The following TBC1D5 variants were observed in gnomAD, a reference collection of about 807,000 sequenced individuals.
The protein encoded by TBC1D5 is TBC1 domain family, member 5.
TBC1D5 carries 75 observed loss-of-function variants against 100.3 expected under a neutral mutation model. That is an observed-to-expected ratio of 0.75 (90% CI 0.62 to 0.91). The LOEUF is 0.91. Among genes scored for constraint, TBC1D5 ranks in the 40% least tolerant of loss-of-function variants. The pLI is 0.00. For missense variants in TBC1D5, 910 were observed against 942.4 expected (o/e 0.97, Z 0.45); for synonymous variants, 323 against 325.6 (o/e 0.99, Z 0.09).
intron 18 of TBC1D5, among the ~76,000 whole-genome samples, chr3:17,202,751 C>T (rs1354157981): frequency 2.0e-5 from 3 of 152,222 alleles, no homozygotes; most frequent in African/African-American, 7.2e-5. Flanking sequence ...AACCCATAAA[C>T]CTTGGCAGCT....
chr3:17,157,796 G>GAT (rs1163102811), exon 22 of TBC1D5: 1 of 152,240 alleles, frequency 6.6e-6, no homozygotes, highest in Non-Finnish European at 1.5e-5. Flanking sequence ...CACAGAGTTT[G>GAT]ATATTTGTTC....
At chr3:17,562,779 G>A (rs982181032) in intron 2 of TBC1D5, among the ~76,000 whole-genome samples, 1 of 152,012 alleles carries the variant, frequency 6.6e-6, no homozygotes, top group African/African-American at 2.4e-5. Context: ...TCATTATTGG[G>A]GATATATAAA....
intron 2 of TBC1D5, among the ~76,000 whole-genome samples, chr3:17,558,298 A>G (rs891086820): frequency 1.3e-5 from 2 of 152,162 alleles, no homozygotes; most frequent in African/African-American, 4.8e-5. Flanking sequence ...GAAAACACAA[A>G]TGTAACCAAC....
intron 1 of TBC1D5, among the ~76,000 whole-genome samples, chr3:17,628,387 A>G (rs1438999918): frequency 1.3e-5 from 2 of 151,810 alleles, no homozygotes; most frequent in East Asian, 3.9e-4. Flanking sequence ...AAAAAAAAAA[A>G]TACACACACC....
rs533641525 is a variant in TBC1D5 at position 17,237,309 on chromosome 3, G to A, written c.1588+854C>T. ...TTGCTTCTAGAGTACAGTTAGCAGA[G>A]TCCTAGTACTAAAAATAAATGTAGC... On this transcript the variant is annotated intron_variant, in intron 17 of 21. Coordinates refer to ENST00000253692, the Ensembl canonical transcript of TBC1D5. Among the ~76,000 whole-genome samples, 7 of 152,276 alleles carry A rather than the reference G, an allele frequency of 4.6e-5. No individual in the cohort carries two copies. In the East Asian group the frequency reaches 1.4e-3, roughly 29 times the overall value.
chr3:17,555,327 G>C (rs1025067884), intron 2 of TBC1D5, among the ~76,000 whole-genome samples: 9 of 152,184 alleles, frequency 5.9e-5, no homozygotes, highest in African/African-American at 1.7e-4. Context: ...CTGGGTTATA[G>C]CTTGATTTTA....
rs184556426 is a variant in TBC1D5 at position 17,575,787 on chromosome 3, G to C, written c.-36+48062C>G. On this transcript the variant is annotated intron_variant, in intron 2 of 21. Coordinates refer to ENST00000253692, the Ensembl canonical transcript of TBC1D5. ...TATGAATGTAAATAAGACAGAGAAT[G>C]AACTAAAAGAAAATAATGCAAATTC... 2.5e-3 allele frequency among the ~76,000 whole-genome samples: 381 copies of C among 152,116 alleles called. 2 individuals carry two copies. Among genetic ancestry groups the C allele is most frequent in the Non-Finnish European group, 4.2e-3 (286 of 67,972 alleles).
intron 2 of TBC1D5, among the ~76,000 whole-genome samples, chr3:17,528,330 CTAGCTAT>C (rs2096168075): frequency 3.3e-5 from 5 of 152,288 alleles, no homozygotes; most frequent in Admixed American, 2.6e-4. Context: ...CTGGAGGGAA[CTAGCTAT>C]GTCCTTTTTC....
chr3:17,220,532 G>A (rs2074157425), intron 17 of TBC1D5, among the ~76,000 whole-genome samples: 1 of 152,072 alleles, frequency 6.6e-6, no homozygotes, highest in African/African-American at 2.4e-5. Flanking sequence ...TCCTTTCTGT[G>A]TATGTCTACT....
chr3:17,690,547 C>T (rs1423743247), intron 1 of TBC1D5, among the ~76,000 whole-genome samples: 2 of 152,158 alleles, frequency 1.3e-5, no homozygotes, highest in Admixed American at 6.5e-5. Flanking sequence ...ACAGGGTTCT[C>T]CAACCCCTGG....
At chr3:17,282,793 C>A (rs993882043) in intron 15 of TBC1D5, among the ~76,000 whole-genome samples, 3 of 152,214 alleles carry the variant, frequency 2.0e-5, no homozygotes, top group Non-Finnish European at 4.4e-5. Context: ...TTCACACTGA[C>A]TTTTCACTAA....
chr3:17,169,628 TAG>T, intron 19 of TBC1D5, among the ~76,000 whole-genome samples: 2 of 152,300 alleles, frequency 1.3e-5, no homozygotes, highest in East Asian at 3.9e-4. Flanking sequence ...CAGATATAAT[TAG>T]AGAGCAAATG....
At chr3:17,540,967 A>G (rs2096349179) in intron 2 of TBC1D5, among the ~76,000 whole-genome samples, 1 of 150,870 alleles carries the variant, frequency 6.6e-6, no homozygotes, top group Non-Finnish European at 1.5e-5. Flanking sequence ...TCAGTTGACC[A>G]TATACATGAG....
At position 17,570,110 on chromosome 3, in the gene TBC1D5, T is replaced by C. The variant is rs183085424; in HGVS notation, c.-36+53739A>G. On this transcript the variant is annotated intron_variant, in intron 2 of 21. Transcript: ENST00000253692. ...GTGACTCTCAGAGACTTAGCCAGTA[T>C]GAAACATACAGACTCTGTAAGTGGA... 3.6e-3 allele frequency among the ~76,000 whole-genome samples: 541 copies of C among 152,110 alleles called. 3 individuals carry two copies. The highest frequency in any genetic ancestry group is 5.4e-3 in the Non-Finnish European group (368 of 67,924).
At chr3:17,245,228 A>T (rs1220928722) in intron 16 of TBC1D5, among the ~76,000 whole-genome samples, 1 of 152,128 alleles carries the variant, frequency 6.6e-6, no homozygotes, top group East Asian at 1.9e-4. Context: ...GAATTCTGTA[A>T]AAGGAATGTT....
intron 17 of TBC1D5, among the ~76,000 whole-genome samples, chr3:17,222,539 C>T (rs906279481): frequency 6.6e-6 from 1 of 152,130 alleles, no homozygotes; most frequent in African/African-American, 2.4e-5. Context: ...TAGTTCAAAA[C>T]AACTTTTCCT....
At chr3:17,685,379 TA>T (rs2070117724) in intron 1 of TBC1D5, among the ~76,000 whole-genome samples, 1 of 152,024 alleles carries the variant, frequency 6.6e-6, no homozygotes, top group Non-Finnish European at 1.5e-5. Context: ...GATGTATTAA[TA>T]ATTCATCAGA....
At chr3:17,439,161 T>C (rs552174625) in intron 3 of TBC1D5, among the ~76,000 whole-genome samples, 20 of 152,306 alleles carry the variant, frequency 1.3e-4, no homozygotes, top group Non-Finnish European at 2.4e-4. Context: ...TCCCTCAAGG[T>C]TGAACATCTA....
At chr3:17,713,446 G>C (rs2074946788) in intron 1 of TBC1D5, among the ~76,000 whole-genome samples, 1 of 151,966 alleles carries the variant, frequency 6.6e-6, no homozygotes, top group Non-Finnish European at 1.5e-5. Flanking sequence ...GTTTCACCAT[G>C]TTAACCAGGA....
Sources: allele counts gnomAD v4.1 joint callset (sites outside exome capture counted in the v4.1 genomes callset), GRCh38; gene constraint gnomAD v4.1.1; transcripts MANE v1.5; gene names NCBI Gene and HGNC (gene_info 2026-07-23, HGNC 2026-07-21).